Variants in RFTN1 observed in about 807,000 individuals in gnomAD.
RFTN1 encodes the protein raftlin, lipid raft linker 1.
In RFTN1, 26 loss-of-function variants were observed where a neutral mutation model predicts 46.5. That is an observed-to-expected ratio of 0.56 (90% CI 0.41 to 0.78). RFTN1 has a LOEUF of 0.78. Among genes scored for constraint, RFTN1 ranks in the 30% least tolerant of loss-of-function variants. The probability of loss-of-function intolerance (pLI) is 0.00; values close to 1 mark genes in which losing one functional copy is unlikely to be tolerated. For missense variants in RFTN1, 693 were observed against 718.7 expected, an observed-to-expected ratio of 0.96 and a Z score of 0.41; for synonymous variants, 261 against 284.2, an observed-to-expected ratio of 0.92 and a Z score of 0.82.
Position 16,380,833 on chromosome 3 carries a change from C to A in RFTN1, c.442-2731G>T, listed in dbSNP as rs59887074. On this transcript the variant is annotated intron_variant, in intron 4 of 9. Coordinates refer to ENST00000334133, the MANE Select transcript of RFTN1 (RefSeq NM_015150.2). The surrounding 1 kb of genome is among the most constrained non-coding windows in gnomAD (Gnocchi z 4.8). ...TAATAGAATGATGTCTGACATATAG[C>A]AGGTCCTCAATAAATATCTGTTGAA... 2.0e-5 allele frequency among the ~76,000 whole-genome samples: 3 copies of A among 152,182 alleles called. No homozygotes were observed. The highest frequency in any genetic ancestry group is 7.2e-5 in the African/African-American group (3 of 41,432).
In RFTN1 at chr3:16,424,285, C is replaced by G. The variant is rs2075248319; in HGVS notation, c.332+9566G>C. Among the ~76,000 whole-genome samples, 1 of 152,204 alleles carries G rather than the reference C, an allele frequency of 6.6e-6. No individual in the cohort carries two copies. Among genetic ancestry groups the G allele is most frequent in the African/African-American group, 2.4e-5 (1 of 41,454 alleles). ...CCCATTACCCACTCCAAACTTCGGA[C>G]TGAGAAGTCGTTAATGACTTCTTCA... is the stretch of plus-strand genomic sequence containing the variant. On this transcript the variant is annotated intron_variant, in intron 3 of 9. Coordinates refer to ENST00000334133, the MANE Select transcript of RFTN1 (RefSeq NM_015150.2). The surrounding 1 kb of genome is among the most constrained non-coding windows in gnomAD (Gnocchi z 4.7).
chr3:16,335,741 A>G lies in RFTN1; in HGVS notation c.1147-8865T>C, dbSNP rs1017079349. Among the ~76,000 whole-genome samples, 1 of 151,928 alleles carries G rather than the reference A, an allele frequency of 6.6e-6. No homozygotes were observed. Among genetic ancestry groups the G allele is most frequent in the African/African-American group, 2.4e-5 (1 of 41,324 alleles). ...CATGGCACACGTTTACCTATGTAAC[A>G]AGCCTGCATATCCTGCACTTGCACC... On this transcript the variant is annotated intron_variant, in intron 7 of 9. Coordinates refer to ENST00000334133, the MANE Select transcript of RFTN1 (RefSeq NM_015150.2). The surrounding 1 kb of genome is among the most constrained non-coding windows in gnomAD (Gnocchi z 4.7).
Position 16,446,253 on chromosome 3 carries a change from G to T in RFTN1, c.146-12216C>A, listed in dbSNP as rs949713847. ...GAACCATAATGAGTCCTGGAAAAGAGTCAGCCAGTGTAAAGCTCAGAGGAA... is the reference window on the plus strand; with the variant it reads ...GAACCATAATGAGTCCTGGAAAAGATTCAGCCAGTGTAAAGCTCAGAGGAA... On this transcript the variant is annotated intron_variant, in intron 2 of 9. Coordinates refer to ENST00000334133, the MANE Select transcript of RFTN1 (RefSeq NM_015150.2). The surrounding 1 kb of genome is among the most constrained non-coding windows in gnomAD (Gnocchi z 4.5). 6.6e-6 allele frequency among the ~76,000 whole-genome samples: 1 copy of T among 151,428 alleles called. No homozygotes were observed. Among genetic ancestry groups the T allele is most frequent in the East Asian group, 1.9e-4 (1 of 5,184 alleles).
In RFTN1 at chr3:16,450,984, G is replaced by A. The variant is rs1036119900; in HGVS notation, c.146-16947C>T. On this transcript the variant is annotated intron_variant, in intron 2 of 9. Coordinates refer to ENST00000334133, the MANE Select transcript of RFTN1 (RefSeq NM_015150.2). The surrounding 1 kb of genome is among the most constrained non-coding windows in gnomAD (Gnocchi z 4.6). Reference sequence around the variant, plus strand: ...AAACATTAGTCAGGCCATTAATATAGGATCTTCAGCTCAAACGGAGAACTC... The same window carrying A: ...AAACATTAGTCAGGCCATTAATATAAGATCTTCAGCTCAAACGGAGAACTC... 6.6e-6 allele frequency among the ~76,000 whole-genome samples: 1 copy of A among 152,070 alleles called. No homozygotes were observed. Among genetic ancestry groups the A allele is most frequent in the Non-Finnish European group, 1.5e-5 (1 of 67,990 alleles).
chr3:16,373,684 G>T (rs567452528), intron 5 of RFTN1, among the ~76,000 whole-genome samples: 1 of 152,316 alleles, frequency 6.6e-6, no homozygotes, highest in South Asian at 2.1e-4. Flanking sequence ...AAAATCTGGG[G>T]CTCCAAGGGC....
intron 1 of RFTN1, among the ~76,000 whole-genome samples, chr3:16,503,182 C>T (rs905263622): frequency 1.3e-5 from 2 of 152,150 alleles, no homozygotes; most frequent in African/African-American, 4.8e-5. Flanking sequence ...TCTCCAGCCA[C>T]CCTTCGCTAA....
rs752631378 is a variant in RFTN1 at position 16,445,481 on chromosome 3, T to TCACACA, written c.146-11445_146-11444insTGTGTG. On this transcript the variant is annotated intron_variant, in intron 2 of 9. Coordinates refer to ENST00000334133, the MANE Select transcript of RFTN1 (RefSeq NM_015150.2). ...CTTTCTCTCTTTCTCTCTCTCTCTC[T>TCACACA]CTCACACACACACACACACACACAC... Among the ~76,000 whole-genome samples the TCACACA allele has an allele frequency of 3.2e-3, 176 of 55,008 alleles. 1 individual carries two copies. Among genetic ancestry groups the TCACACA allele is most frequent in the South Asian group, 9.1e-3 (12 of 1,314 alleles). The allele number at this position is 55,008 out of a possible 152,430, so 36.1% of individuals were successfully genotyped here.
rs1438949217 is a variant in RFTN1, at chr3:16,326,806, C to T, written c.1217G>A (p.Cys406Tyr). Residue 406 changes from cysteine to tyrosine, a missense_variant, in exon 8 of 10, where the codon TGT (cysteine) becomes TAT (tyrosine). Cys to Tyr is a radical substitution (Grantham distance 194). Transcript: ENST00000334133. ...CTTGACGACGGGAGTTGGTAGCACACAGGTGAGCTGCCAGCCATAGGCCGC... is the reference window on the plus strand; with the variant it reads ...CTTGACGACGGGAGTTGGTAGCACATAGGTGAGCTGCCAGCCATAGGCCGC... ...SLAAYGWQLTCVLPTPVVKTT... is the reference protein window; with the variant it reads ...SLAAYGWQLTYVLPTPVVKTT... The T allele has an allele frequency of 7.4e-6, 12 of 1,614,020 alleles. No homozygotes were observed. The highest frequency in any genetic ancestry group is 1.7e-5 in the Admixed American group (1 of 60,000).
intron 4 of RFTN1, among the ~76,000 whole-genome samples, chr3:16,404,854 C>A (rs1019719763): frequency 1.3e-5 from 2 of 152,104 alleles, no homozygotes; most frequent in African/African-American, 4.8e-5. Flanking sequence ...CTAATCCAGG[C>A]TCCATCATTT....
intron 4 of RFTN1, among the ~76,000 whole-genome samples, chr3:16,404,084 TTTATATA>T (rs2074743906): frequency 3.2e-4 from 1 of 3,140 alleles, no homozygotes; most frequent in Non-Finnish European, 6.1e-4. Context: ...ATATATATAT[TTTATATA>T]TTATATATTA....
In RFTN1 at chr3:16,426,100, C is replaced by T. The variant is rs139199375; in HGVS notation, c.332+7751G>A. 2.6e-5 allele frequency among the ~76,000 whole-genome samples: 4 copies of T among 152,290 alleles called. No individual in the cohort carries two copies. Among genetic ancestry groups the T allele is most frequent in the African/African-American group, 7.2e-5 (3 of 41,546 alleles). On this transcript the variant is annotated intron_variant, in intron 3 of 9. Transcript: ENST00000334133. This position sits in a 1 kb window ranked among gnomAD's most constrained non-coding sequence, Gnocchi z 5.9. Reference sequence around the variant, plus strand: ...CAATGTCTGCTCTCTGGGAATAAACCGGCGGCTGCAGTTTCCCATCACAGT... The same window carrying T: ...CAATGTCTGCTCTCTGGGAATAAACTGGCGGCTGCAGTTTCCCATCACAGT...
chr3:16,354,338 A>C (rs1280196191), intron 7 of RFTN1, among the ~76,000 whole-genome samples: 1 of 152,208 alleles, frequency 6.6e-6, no homozygotes, highest in African/African-American at 2.4e-5. Flanking sequence ...AAACCCATAA[A>C]CCAAGGAGTT....
intron 4 of RFTN1, among the ~76,000 whole-genome samples, chr3:16,391,902 T>TTTTTTTTTG (rs2074360516): frequency 9.0e-6 from 1 of 110,824 alleles, no homozygotes; most frequent in Non-Finnish European, 1.8e-5. Flanking sequence ...TTGTTTTTTT[T>TTTTTTTTTG]ACGGGGAAGA....
intron 4 of RFTN1, among the ~76,000 whole-genome samples, chr3:16,395,487 C>T (rs986830444): frequency 1.3e-5 from 2 of 151,930 alleles, no homozygotes; most frequent in Admixed American, 6.6e-5. Flanking sequence ...ACTCTGTTGC[C>T]CAGGCTGGAG....
At chr3:16,409,582 A>G (rs961312078) in intron 3 of RFTN1, 99 bp from the exon 4 acceptor site, 5 of 759,842 alleles carry the variant, frequency 6.6e-6, no homozygotes, top group Non-Finnish European at 1.1e-5. Flanking sequence ...CAATGACGCG[A>G]TCTCGGCTCA....
Position 16,418,300 on chromosome 3 carries a change from G to A in RFTN1, c.333-8817C>T, listed in dbSNP as rs931260416. 1.3e-5 allele frequency among the ~76,000 whole-genome samples: 2 copies of A among 152,114 alleles called. No homozygotes were observed. The highest frequency in any genetic ancestry group is 2.9e-5 in the Non-Finnish European group (2 of 68,026). On this transcript the variant is annotated intron_variant, in intron 3 of 9. Coordinates refer to ENST00000334133, the MANE Select transcript of RFTN1 (RefSeq NM_015150.2). The surrounding 1 kb of genome is among the most constrained non-coding windows in gnomAD (Gnocchi z 5.0). Reference sequence around the variant, plus strand: ...CTATACTTCTAAAAAATAAGCATGTGACTAAAAACTATGATACACATTACT... The same window carrying A: ...CTATACTTCTAAAAAATAAGCATGTAACTAAAAACTATGATACACATTACT...
intron 4 of RFTN1, among the ~76,000 whole-genome samples, chr3:16,404,652 T>C (rs976199063): frequency 4.0e-5 from 6 of 151,804 alleles, no homozygotes; most frequent in African/African-American, 1.2e-4. Context: ...CTTCAACCCA[T>C]GCTCCTGTGC....
rs10681518 is a variant in RFTN1, at chr3:16,445,483, TCACACACACA to T, written c.146-11456_146-11447del. ...TTCTCTCTTTCTCTCTCTCTCTCTC[TCACACACACA>T]CACACACACACACACACACACACAC... On this transcript the variant is annotated intron_variant, in intron 2 of 9. Transcript: ENST00000334133. Among the ~76,000 whole-genome samples, 176 of 126,856 alleles carry T rather than the reference TCACACACACA, an allele frequency of 1.4e-3. 1 individual carries two copies. The highest frequency in any genetic ancestry group is 4.7e-3 in the African/African-American group (153 of 32,712). The allele number at this position is 126,856 out of a possible 152,430, so 83.2% of individuals were successfully genotyped here. A position where few individuals can be genotyped will look rare whatever the true frequency, so the allele number is the denominator to read the frequency against.
rs923852632 is a variant in RFTN1 at position 16,441,141 on chromosome 3, A to G, written c.146-7104T>C. 2.6e-5 allele frequency among the ~76,000 whole-genome samples: 4 copies of G among 152,230 alleles called. No individual in the cohort carries two copies. The East Asian group carries it at 7.7e-4, about 29-fold the overall frequency. ...AATATTTTTTTTTATTCCAGACTCTATTACCAATAACAGGCTTTTATAAAA... is the reference window on the plus strand; with the variant it reads ...AATATTTTTTTTTATTCCAGACTCTGTTACCAATAACAGGCTTTTATAAAA... On this transcript the variant is annotated intron_variant, in intron 2 of 9. Coordinates refer to ENST00000334133, the MANE Select transcript of RFTN1 (RefSeq NM_015150.2).
Sources: allele counts gnomAD v4.1 joint callset (sites outside exome capture counted in the v4.1 genomes callset), GRCh38; gene constraint gnomAD v4.1.1; non-coding constraint Gnocchi (gnomAD v3.1); transcripts MANE v1.5; gene names NCBI Gene and HGNC (gene_info 2026-07-23, HGNC 2026-07-21).